The following NWD2 variants were observed in gnomAD, a reference collection of about 807,000 sequenced individuals.
NWD2 encodes the protein NACHT and WD repeat domain-containing protein 2.
A neutral mutation model predicts 132.7 loss-of-function variants in NWD2; 37 were observed. The ratio of observed to expected loss-of-function variants is 0.28; its 90% CI spans 0.21 to 0.37. The LOEUF (loss-of-function observed/expected upper bound fraction) is 0.37, where lower values mean the gene tolerates loss of function less well. Among genes scored for constraint, NWD2 ranks in the 10% least tolerant of loss-of-function variants. The pLI is 1.00. For missense variants in NWD2, 1,592 were observed against 2,122.4 expected, an observed-to-expected ratio of 0.75 and a Z score of 4.91; for synonymous variants, 705 against 803.0, an observed-to-expected ratio of 0.88 and a Z score of 2.06.
At chr4:37,300,635 G>T (rs762842825) in intron 1 of NWD2, among the ~76,000 whole-genome samples, 2 of 151,898 alleles carry the variant, frequency 1.3e-5, no homozygotes, top group Non-Finnish European at 2.9e-5. Flanking sequence ...GAAACATCTT[G>T]TTTTGTCATA....
In NWD2 at chr4:37,335,310, G is replaced by C. The variant is rs955558121; in HGVS notation, c.240+9286G>C. 3.2e-5 allele frequency among the ~76,000 whole-genome samples: 4 copies of C among 125,708 alleles called. 1 individual carries two copies. Among genetic ancestry groups the C allele is most frequent in the Non-Finnish European group, 5.0e-5 (3 of 59,680 alleles). 82.5% of individuals were successfully genotyped at this position (125,708 alleles called of 152,430 possible). On this transcript the variant is annotated intron_variant, in intron 2 of 6. Transcript: ENST00000309447. ...TGACTGGGGGGTGGGCGGGGGGGGG[G>C]GGCTTAAATTGCCTCCCAGGCAAAT...
At chr4:37,372,415 G>A (rs1372371611) in intron 3 of NWD2, among the ~76,000 whole-genome samples, 1 of 152,196 alleles carries the variant, frequency 6.6e-6, no homozygotes, top group African/African-American at 2.4e-5. Context: ...AGCTAGTATA[G>A]TAAGGAGCGA....
At position 37,445,869 on chromosome 4, in the gene NWD2, C is replaced by A; in HGVS notation, c.3881C>A (p.Thr1294Asn). The A allele has an allele frequency of 6.4e-7, 1 of 1,551,940 alleles. No individual in the cohort carries two copies. The change falls in exon 7 of 7, where the codon ACC becomes AAC. Residue 1294 changes from threonine (T) to asparagine (N), a missense_variant. This residue lies in a region of NWD2 where 1,071 missense variants were observed against 1,398.0 expected (regional missense o/e 0.77). Coordinates refer to ENST00000309447, the MANE Select transcript of NWD2 (RefSeq NM_001144990.2). The surrounding 1 kb of genome is among the most constrained non-coding windows in gnomAD (Gnocchi z 4.7). ...SHHNMLLSLSTSGVLSIWDID... is the reference protein window; with the variant it reads ...SHHNMLLSLSNSGVLSIWDID... ...CACAATATGCTACTGTCTTTATCAA[C>A]CAGTGGTGTTCTTTCCATTTGGGAC...
At chr4:37,246,668 G>T (rs1173409968) in intron 1 of NWD2, among the ~76,000 whole-genome samples, 1 of 152,130 alleles carries the variant, frequency 6.6e-6, no homozygotes, top group African/African-American at 2.4e-5. Context: ...TTAAAATATT[G>T]CTAGAACATT....
intron 1 of NWD2, among the ~76,000 whole-genome samples, chr4:37,273,078 A>G (rs1717907784): frequency 6.6e-6 from 1 of 151,800 alleles, no homozygotes; most frequent in South Asian, 2.1e-4. Flanking sequence ...GTTTGTTTTA[A>G]GGCTGGTCTA....
In NWD2 at chr4:37,446,197, G is replaced by A. The variant is rs1392641227; in HGVS notation, c.4209G>A (p.Leu1403=). 2.6e-6 allele frequency: 4 copies of A among 1,551,688 alleles called. No individual in the cohort carries two copies. The East Asian group carries it at 9.8e-5, about 38-fold the overall frequency. Residue 1403 remains leucine (L), a synonymous_variant, in exon 7 of 7, where the codon CTG becomes CTA. Transcript: ENST00000309447. The surrounding 1 kb of genome is among the most constrained non-coding windows in gnomAD (Gnocchi z 6.7). The part of the protein sequence containing the change: ...FRINGQRISQ[L]LITHNDQFVV... ...TTAACGGGCAGAGAATATCTCAGCT[G>A]CTGATTACACACAATGACCAGTTTG...
rs1422207104 is a variant in NWD2, at chr4:37,246,388, TG to T, written c.151+1174del. Among the ~76,000 whole-genome samples the T allele has an allele frequency of 3.3e-5, 5 of 152,198 alleles. No homozygotes were observed. The East Asian group carries it at 7.7e-4, about 24-fold the overall frequency. Reference sequence around the variant, plus strand: ...TAAAGCTTACATTATGAGAAGGAGTTGGGGAGAGAATCAAAACGATAACATG... The same window carrying T: ...TAAAGCTTACATTATGAGAAGGAGTTGGGAGAGAATCAAAACGATAACATG... On this transcript the variant is annotated intron_variant, in intron 1 of 6. Transcript: ENST00000309447.
At chr4:37,253,004 C>CCG (rs1717411271) in intron 1 of NWD2, among the ~76,000 whole-genome samples, 1 of 142,562 alleles carries the variant, frequency 7.0e-6, no homozygotes, top group African/African-American at 3.0e-5. Flanking sequence ...TACCACAACC[C>CCG]CCCCCCCTTA....
At chr4:37,394,808 T>TGTTTTGTTTTGTTTTG (rs374102660) in intron 3 of NWD2, among the ~76,000 whole-genome samples, 6 of 95,598 alleles carry the variant, frequency 6.3e-5, no homozygotes, top group Admixed American at 1.1e-4. Context: ...GGTTTTTTTT[T>TGTTTTGTTTTGTTTTG]TTTTTTTTTT....
At chr4:37,365,488 A>G (rs12646489) in intron 3 of NWD2, among the ~76,000 whole-genome samples, 16,620 of 152,242 alleles carry the variant, frequency 0.11, 1,229 homozygotes, top group South Asian at 0.23. Flanking sequence ...AATTTTATTT[A>G]AATAAAAATC....
At position 37,443,971 on chromosome 4, in the gene NWD2, T is replaced by G; in HGVS notation, c.1983T>G (p.Ala661=). 1 of 1,552,342 alleles carries G rather than the reference T, an allele frequency of 6.4e-7. No homozygotes were observed. The highest frequency in any genetic ancestry group is 8.7e-7 in the Non-Finnish European group (1 of 1,147,138). The change falls in exon 7 of 7, where the codon GCT becomes GCG. Residue 661 remains alanine (A), a synonymous_variant. Coordinates refer to ENST00000309447, the MANE Select transcript of NWD2 (RefSeq NM_001144990.2). This position sits in a 1 kb window ranked among gnomAD's most constrained non-coding sequence, Gnocchi z 4.1. ...KKCGQKLVSR[A]LGYITMAKMG... is the part of the protein sequence containing the mutation. ...GTGGTCAGAAACTGGTCTCTAGGGCTCTTGGTTACATCACCATGGCCAAAA... is the reference window on the plus strand; with the variant it reads ...GTGGTCAGAAACTGGTCTCTAGGGCGCTTGGTTACATCACCATGGCCAAAA...
intron 3 of NWD2, among the ~76,000 whole-genome samples, chr4:37,369,048 G>A (rs916231369): frequency 6.6e-6 from 1 of 152,160 alleles, no homozygotes; most frequent in Non-Finnish European, 1.5e-5. Flanking sequence ...TTTGAGGGCT[G>A]AGGGAGAAGG....
intron 1 of NWD2, among the ~76,000 whole-genome samples, chr4:37,319,971 T>G (rs1719035769): frequency 6.6e-6 from 1 of 152,182 alleles, no homozygotes. Context: ...CTTTTCTGAT[T>G]CTGTATGAAT....
In NWD2 at chr4:37,389,747, A is replaced by T. The variant is rs1720643007; in HGVS notation, c.357+33265A>T. 2.6e-5 allele frequency among the ~76,000 whole-genome samples: 4 copies of T among 151,982 alleles called. No homozygotes were observed. In the South Asian group the frequency reaches 8.3e-4, roughly 32 times the overall value. Reference sequence around the variant, plus strand: ...AACAGCTATGCTCCTTTTCTTATAAAATAACTTTGGATGTAAAATTAATAT... The same window carrying T: ...AACAGCTATGCTCCTTTTCTTATAATATAACTTTGGATGTAAAATTAATAT... On this transcript the variant is annotated intron_variant, in intron 3 of 6. Transcript: ENST00000309447.
chr4:37,308,066 C>T (rs879618129), intron 1 of NWD2, among the ~76,000 whole-genome samples: 1 of 152,114 alleles, frequency 6.6e-6, no homozygotes. Flanking sequence ...TCCCTAAGGT[C>T]ATTATTTTAA....
intron 3 of NWD2, among the ~76,000 whole-genome samples, chr4:37,423,810 TC>T (rs1711899062): frequency 6.6e-6 from 1 of 152,134 alleles, no homozygotes; most frequent in African/African-American, 2.4e-5. Flanking sequence ...AACCATCACA[TC>T]CCCATTTCTC....
intron 2 of NWD2, among the ~76,000 whole-genome samples, chr4:37,345,597 CAA>C (rs370471874): frequency 6.6e-6 from 1 of 151,870 alleles, no homozygotes; most frequent in African/African-American, 2.4e-5. Flanking sequence ...GTATTCTAGA[CAA>C]AAAAATCCAT....
intron 1 of NWD2, among the ~76,000 whole-genome samples, chr4:37,267,639 A>G (rs1211079948): frequency 6.6e-6 from 1 of 152,006 alleles, no homozygotes; most frequent in African/African-American, 2.4e-5. Flanking sequence ...TAAATTTGAA[A>G]TAATAGAAAT....
At chr4:37,364,516 C>A (rs901146633) in intron 3 of NWD2, among the ~76,000 whole-genome samples, 1 of 152,110 alleles carries the variant, frequency 6.6e-6, no homozygotes, top group South Asian at 2.1e-4. Flanking sequence ...TCCCTGAGCT[C>A]TCAGTGAACC....
Sources: allele counts gnomAD v4.1 joint callset (sites outside exome capture counted in the v4.1 genomes callset), GRCh38; gene constraint gnomAD v4.1.1; regional missense constraint gnomAD v4.1.1; non-coding constraint Gnocchi (gnomAD v3.1); transcripts MANE v1.5; gene names NCBI Gene and HGNC (gene_info 2026-07-23, HGNC 2026-07-21).